The following TBC1D5 variants were observed in gnomAD, a reference collection of about 807,000 sequenced individuals.
The protein encoded by TBC1D5 is TBC1 domain family member 5.
Under a neutral mutation model 100.3 loss-of-function variants are expected in TBC1D5, and 75 were observed. That is an observed-to-expected ratio of 0.75 (90% confidence interval 0.62 to 0.91). The LOEUF (loss-of-function observed/expected upper bound fraction) is 0.91, where lower values mean the gene tolerates loss of function less well. Ranked by LOEUF, TBC1D5 falls within the 40% of genes least tolerant of loss-of-function variation. The pLI is 0.00. For missense variants in TBC1D5, 910 were observed against 942.4 expected (o/e 0.97, Z 0.45); for synonymous variants, 323 against 325.6 (o/e 0.99, Z 0.09).
chr3:17,157,807 A>C (rs931547071), exon 22 of TBC1D5: 1 of 152,280 alleles, frequency 6.6e-6, no homozygotes, highest in African/African-American at 2.4e-5. Flanking sequence ...ATATTTGTTC[A>C]GCATCTCTGA....
At chr3:17,388,163 T>A (rs2093228789) in intron 8 of TBC1D5, among the ~76,000 whole-genome samples, 1 of 152,176 alleles carries the variant, frequency 6.6e-6, no homozygotes, top group Middle Eastern at 3.4e-3. Context: ...ACTCAACTGA[T>A]CAGTATTGAT....
chr3:17,291,996 A>G, exon 15 of TBC1D5: 1 of 1,612,662 alleles, frequency 6.2e-7, no homozygotes, highest in Non-Finnish European at 8.5e-7. Context: ...TAGTTACTAG[A>G]GATCACTAAA....
At chr3:17,466,821 C>G (rs776634670) in intron 3 of TBC1D5, among the ~76,000 whole-genome samples, 3 of 151,718 alleles carry the variant, frequency 2.0e-5, no homozygotes, top group Non-Finnish European at 4.4e-5. Context: ...AAACGTGACT[C>G]AAGTAGTCCA....
intron 4 of TBC1D5, among the ~76,000 whole-genome samples, chr3:17,412,751 AAAGT>A (rs2093965290): frequency 6.6e-6 from 1 of 152,106 alleles, no homozygotes; most frequent in Non-Finnish European, 1.5e-5. Context: ...ATGAATGAGG[AAAGT>A]AAGGTTCAGA....
intron 8 of TBC1D5, among the ~76,000 whole-genome samples, chr3:17,393,117 G>C (rs547990193): frequency 9.1e-6 from 1 of 109,600 alleles, no homozygotes; most frequent in Admixed American, 8.0e-5. Context: ...GTGATGATGA[G>C]GTTTTTTTTT....
chr3:17,597,724 C>G (rs1358421401), intron 2 of TBC1D5, among the ~76,000 whole-genome samples: 1 of 152,124 alleles, frequency 6.6e-6, no homozygotes, highest in Admixed American at 6.5e-5. Context: ...TAGTATATAA[C>G]ATATTTTTGT....
At chr3:17,310,107 C>T (rs906359957) in intron 13 of TBC1D5, among the ~76,000 whole-genome samples, 1 of 152,140 alleles carries the variant, frequency 6.6e-6, no homozygotes, top group African/African-American at 2.4e-5. Context: ...CCAAAGTAGC[C>T]CATTTCCTAG....
In TBC1D5 at chr3:17,410,704, T is replaced by A. The variant is rs370953234; in HGVS notation, c.168-4178A>T. Among the ~76,000 whole-genome samples the A allele has an allele frequency of 1.3e-4, 20 of 152,032 alleles. 2 individuals are homozygous for A. In the South Asian group the frequency reaches 3.7e-3, roughly 28 times the overall value. Reference sequence around the variant, plus strand: ...GACTTCAGTGGAAGAAGTAACTAGATGGGGAAAAATAACAAGAAAACTAGA... The same window carrying A: ...GACTTCAGTGGAAGAAGTAACTAGAAGGGGAAAAATAACAAGAAAACTAGA... On this transcript the variant is annotated intron_variant, in intron 4 of 21. Transcript: ENST00000253692.
chr3:17,589,874 T>C lies in TBC1D5; in HGVS notation c.-36+33975A>G, dbSNP rs546425356. ...AGCATCCAATAACCATGTGAATACC[T>C]ACCTGCAAACCGATAAATGCTATTT... On this transcript the variant is annotated intron_variant, in intron 2 of 21. Coordinates refer to ENST00000253692, the Ensembl canonical transcript of TBC1D5. Among the ~76,000 whole-genome samples, 10 of 152,284 alleles carry C rather than the reference T, an allele frequency of 6.6e-5. No individual in the cohort carries two copies. In the South Asian group the frequency reaches 1.0e-3, roughly 16 times the overall value.
rs548424401 is a variant in TBC1D5 at position 17,364,273 on chromosome 3, T to C, written c.995+7802A>G. On this transcript the variant is annotated intron_variant, in intron 13 of 21. Transcript: ENST00000253692. ...AGATCCTTGTATTACTGGTTTGTGA[T>C]CTTTCCTTCTTTTGTTTTTCTTTCC... is the stretch of plus-strand genomic sequence containing the variant. 5.3e-5 allele frequency among the ~76,000 whole-genome samples: 8 copies of C among 152,298 alleles called. No homozygotes were observed. The South Asian group carries it at 1.7e-3, about 32-fold the overall frequency.
At chr3:17,212,200 C>A (rs992580353) in intron 18 of TBC1D5, among the ~76,000 whole-genome samples, 2 of 152,196 alleles carry the variant, frequency 1.3e-5, no homozygotes, top group African/African-American at 2.4e-5. Context: ...TGTTAAACTA[C>A]AGTCATGTGC....
At chr3:17,239,759 T>G (rs1441041653) in intron 16 of TBC1D5, among the ~76,000 whole-genome samples, 1 of 124,630 alleles carries the variant, frequency 8.0e-6, no homozygotes, top group Non-Finnish European at 1.9e-5. Context: ...AAGTTAACAT[T>G]TGTTAGATGA....
intron 3 of TBC1D5, among the ~76,000 whole-genome samples, chr3:17,429,581 A>C (rs1463307117): frequency 6.6e-6 from 1 of 151,926 alleles, no homozygotes; most frequent in African/African-American, 2.4e-5. Context: ...TGCAATAGGA[A>C]ATCATCACAG....
intron 14 of TBC1D5, among the ~76,000 whole-genome samples, chr3:17,307,413 C>T (rs962402293): frequency 2.0e-5 from 3 of 152,094 alleles, no homozygotes; most frequent in African/African-American, 4.8e-5. Flanking sequence ...TCAGACTATT[C>T]GAAAGGGCTA....
chr3:17,215,806 AAG>A (rs2126021720), intron 17 of TBC1D5, among the ~76,000 whole-genome samples: 1 of 152,284 alleles, frequency 6.6e-6, no homozygotes, highest in African/African-American at 2.4e-5. Flanking sequence ...AGTAGATAAT[AAG>A]AGATACTTTA....
At chr3:17,182,228 TC>T (rs1249323689) in intron 19 of TBC1D5, among the ~76,000 whole-genome samples, 1 of 152,076 alleles carries the variant, frequency 6.6e-6, no homozygotes, top group Non-Finnish European at 1.5e-5. Context: ...CTTGGTAGCA[TC>T]CCTTAATCCC....
chr3:17,321,246 A>G (rs2085365148), intron 13 of TBC1D5, among the ~76,000 whole-genome samples: 1 of 152,012 alleles, frequency 6.6e-6, no homozygotes, highest in Admixed American at 6.6e-5. Flanking sequence ...TTAAAAAAAC[A>G]TTTTTTGTAG....
intron 13 of TBC1D5, among the ~76,000 whole-genome samples, chr3:17,369,870 C>T (rs2092369979): frequency 6.6e-6 from 1 of 151,976 alleles, no homozygotes; most frequent in Admixed American, 6.6e-5. Context: ...GATGAGTAAT[C>T]TATTCTTCAA....
intron 1 of TBC1D5, chr3:17,706,378 T>C: frequency 1.8e-6 from 2 of 1,137,034 alleles, no homozygotes; most frequent in Non-Finnish European, 2.4e-6. Flanking sequence ...ATCTAATAAA[T>C]TCCTAGGTTT....
Sources: gnomAD v4.1 joint callset for allele counts (sites outside exome capture counted in the v4.1 genomes callset) on GRCh38, gnomAD v4.1.1 for gene constraint, MANE v1.5 for transcripts, NCBI Gene and HGNC (gene_info 2026-07-23, HGNC 2026-07-21) for gene names.